ADGRG2: variants seen among roughly 807,000 people sequenced by gnomAD.
ADGRG2 encodes adhesion G protein-coupled receptor G2, also known as G protein-coupled receptor 64.
ADGRG2 carries 26 observed loss-of-function variants against 74.1 expected under a neutral mutation model. That is an observed-to-expected ratio of 0.35 (90% CI 0.26 to 0.49). ADGRG2 has a LOEUF of 0.49. Among genes scored for constraint, ADGRG2 ranks in the 20% least tolerant of loss-of-function variants. The pLI, the probability that ADGRG2 is intolerant of heterozygous loss-of-function variation, is 0.99. For missense variants in ADGRG2, 619 were observed against 763.1 expected, an observed-to-expected ratio of 0.81 and a Z score of 2.22; for synonymous variants, 296 against 295.2, an observed-to-expected ratio of 1.00 and a Z score of -0.03.
chrX:19,091,143 G>A (rs1368450498), intron 1 of ADGRG2, among the ~76,000 whole-genome samples: 3 of 111,583 alleles, frequency 2.7e-5, no homozygotes, highest in African/African-American at 9.8e-5. Context: ...AGGACATGCC[G>A]TGGCAAGGAG....
intron 3 of ADGRG2, among the ~76,000 whole-genome samples, chrX:19,047,642 T>C (rs771771939): frequency 2.3e-4 from 26 of 112,079 alleles, no homozygotes; most frequent in Middle Eastern, 4.6e-3. Context: ...ACTTGTAATC[T>C]GGTGGCAGTC....
At chrX:19,054,413 G>A (rs2061377153) in intron 3 of ADGRG2, among the ~76,000 whole-genome samples, 1 of 112,009 alleles carries the variant, frequency 8.9e-6, no homozygotes, top group Non-Finnish European at 1.9e-5. Flanking sequence ...TCACAGGCTG[G>A]CTTCTAAAAA....
intron 25 of ADGRG2, 71 bp from the exon 26 acceptor site, chrX:18,999,350 A>G: frequency 1.1e-6 from 1 of 889,687 alleles, no homozygotes; most frequent in Non-Finnish European, 1.6e-6. Context: ...AAAATGATAC[A>G]ATGAATCTCT....
chrX:19,122,259 T>A (rs2062622005), intron 1 of ADGRG2, among the ~76,000 whole-genome samples, 183 bp downstream of exon 1: 2 of 112,259 alleles, frequency 1.8e-5, no homozygotes, highest in Admixed American at 1.9e-4. Flanking sequence ...CCTTTCAGGA[T>A]GTTCCCGGGC....
chrX:19,078,302 C>G (rs1040002217), intron 2 of ADGRG2, among the ~76,000 whole-genome samples: 4 of 112,087 alleles, frequency 3.6e-5, no homozygotes, highest in Non-Finnish European at 7.5e-5. Flanking sequence ...GTAATCCCAG[C>G]ACTTTGGGAG....
At chrX:19,107,839 G>A (rs948096724) in intron 1 of ADGRG2, among the ~76,000 whole-genome samples, 36 of 109,430 alleles carry the variant, frequency 3.3e-4, no homozygotes, top group Middle Eastern at 4.7e-3. Context: ...GGTGGCTCAC[G>A]TCTGTAATCC....
intron 2 of ADGRG2, among the ~76,000 whole-genome samples, chrX:19,075,617 C>CCAA (rs2061734397): frequency 2.5e-5 from 1 of 39,476 alleles, no homozygotes; most frequent in Non-Finnish European, 4.9e-5. Context: ...GACTTCGCCT[C>CCAA]AAAAAAAAAA....
chrX:19,043,839 G>A (rs1209734166), intron 3 of ADGRG2, among the ~76,000 whole-genome samples: 3 of 109,051 alleles, frequency 2.8e-5, no homozygotes, highest in Non-Finnish European at 5.7e-5. Context: ...GCACTGCCAT[G>A]TGAATGTCTT....
At chrX:19,107,008 G>A (rs1031229037) in intron 1 of ADGRG2, among the ~76,000 whole-genome samples, 2 of 111,111 alleles carry the variant, frequency 1.8e-5, no homozygotes, top group Admixed American at 1.9e-4. Context: ...GAGAGGACAA[G>A]CCCAGAGGGG....
intron 3 of ADGRG2, among the ~76,000 whole-genome samples, chrX:19,048,698 T>G (rs898932904): frequency 8.9e-6 from 1 of 112,226 alleles, no homozygotes; most frequent in Admixed American, 9.4e-5. Context: ...CCTCTGAAAC[T>G]AGACACATGG....
At chrX:18,998,906 ATC>A (rs1463732735) in intron 26 of ADGRG2, 88 bp downstream of exon 26, 23 of 731,331 alleles carry the variant, frequency 3.1e-5, no homozygotes, top group Non-Finnish European at 4.7e-5. Flanking sequence ...AACCCCCAAC[ATC>A]TCTGAGGCAT....
At chrX:19,044,849 G>A (rs907257261) in intron 3 of ADGRG2, among the ~76,000 whole-genome samples, 4 of 111,747 alleles carry the variant, frequency 3.6e-5, no homozygotes, top group East Asian at 2.8e-4. Context: ...ACTGATCCAC[G>A]CTTCCTGTGA....
chrX:19,076,845 G>A (rs2061755984), intron 2 of ADGRG2, among the ~76,000 whole-genome samples: 2 of 111,365 alleles, frequency 1.8e-5, no homozygotes, highest in African/African-American at 6.5e-5. Context: ...AAAAACATAT[G>A]GCAACTACCT....
At chrX:19,009,480 A>T in intron 18 of ADGRG2, 146 bp downstream of exon 18, 2 of 544,236 alleles carry the variant, frequency 3.7e-6, no homozygotes, top group Non-Finnish European at 6.2e-6. Flanking sequence ...ACCCGGCTTG[A>T]TTCTATGGTG....
chrX:19,036,176 G>GA (rs1350744435), intron 6 of ADGRG2, 199 bp from the exon 7 acceptor site: 1 of 309,670 alleles, frequency 3.2e-6, no homozygotes, highest in African/African-American at 2.7e-5. Context: ...CAATTCCGGA[G>GA]CAAATGTTCA....
intron 1 of ADGRG2, among the ~76,000 whole-genome samples, chrX:19,098,954 G>T (rs2062143037): frequency 1.8e-5 from 2 of 112,440 alleles, no homozygotes; most frequent in African/African-American, 3.2e-5. Flanking sequence ...GGAGGCCAAG[G>T]CAGGTAGATC....
At chrX:19,112,192 C>A (rs180880506) in intron 1 of ADGRG2, among the ~76,000 whole-genome samples, 171 of 110,492 alleles carry the variant, frequency 1.5e-3, no homozygotes, top group Non-Finnish European at 2.2e-3. Context: ...ATACCTCAGC[C>A]TCCCAAGTAG....
At chrX:19,053,494 C>A (rs763876787) in intron 3 of ADGRG2, among the ~76,000 whole-genome samples, 1 of 111,619 alleles carries the variant, frequency 9.0e-6, no homozygotes, top group Admixed American at 9.6e-5. Flanking sequence ...AGGTTAAGAG[C>A]CTAGACTCCA....
chrX:19,005,035 G>A, intron 22 of ADGRG2, among the ~76,000 whole-genome samples, 156 bp from the exon 23 acceptor site: 1 of 112,108 alleles, frequency 8.9e-6, no homozygotes, highest in Non-Finnish European at 1.9e-5. Context: ...AGGAAACAGA[G>A]ACAGACACAG....
Sources: allele counts gnomAD v4.1 joint callset (sites outside exome capture counted in the v4.1 genomes callset), GRCh38; gene constraint gnomAD v4.1.1; transcripts MANE v1.5; gene names NCBI Gene and HGNC (gene_info 2026-07-23, HGNC 2026-07-21).